The following PALS2 variants were observed in gnomAD, a reference collection of about 807,000 sequenced individuals.
PALS2 encodes the protein protein associated with LIN7 2, MAGUK p55 family member, also known as protein PALS2.
In PALS2, 27 loss-of-function variants were observed where a neutral mutation model predicts 61.6. The observed-to-expected ratio is 0.44, with a 90% CI of 0.32 to 0.60. The LOEUF is 0.60. Among genes scored for constraint, PALS2 ranks in the 20% least tolerant of loss-of-function variants. The pLI is 0.05. For synonymous variants in PALS2, 236 were observed against 218.6 expected (o/e 1.08, Z -0.70); for missense variants, 554 against 639.4 (o/e 0.87, Z 1.44).
intron 5 of PALS2, among the ~76,000 whole-genome samples, chr7:24,655,279 A>G (rs1229289266): frequency 1.3e-5 from 2 of 152,232 alleles, no homozygotes; most frequent in African/African-American, 2.4e-5. Context: ...TATAAACCCC[A>G]AAAGATTACA....
chr7:24,577,132 A>C (rs1039056308), intron 1 of PALS2, among the ~76,000 whole-genome samples: 1 of 152,164 alleles, frequency 6.6e-6, no homozygotes, highest in African/African-American at 2.4e-5. Flanking sequence ...CCTTTCTATA[A>C]TCTTTATCAT....
At chr7:24,580,352 GCCA>G (rs1378288419) in intron 1 of PALS2, among the ~76,000 whole-genome samples, 1 of 152,138 alleles carries the variant, frequency 6.6e-6, no homozygotes, top group African/African-American at 2.4e-5. Flanking sequence ...ATCCCCAGGA[GCCA>G]CCATTTGAGT....
Position 24,687,934 on chromosome 7 carries a change from A to T in PALS2, c.*320A>T. On this transcript the variant is annotated 3_prime_UTR_variant, in exon 12 of 12. Coordinates refer to ENST00000222644, the MANE Select transcript of PALS2 (RefSeq NM_001303037.2). The surrounding 1 kb of genome is among the most constrained non-coding windows in gnomAD (Gnocchi z 4.5). The stretch of plus-strand genomic sequence containing the variant: ...GCCTTTTTCATCAAAGGAATTTTCA[A>T]ATCATTCACTCTAACATTGGTCTCA... 5.3e-6 allele frequency: 1 copy of T among 187,348 alleles called. No homozygotes were observed. The highest frequency in any genetic ancestry group is 1.4e-4 in the East Asian group (1 of 7,140). The allele number at this position is 187,348 out of a possible 1,614,324, so 11.6% of individuals were successfully genotyped here.
In PALS2 at chr7:24,689,579, C is replaced by CTTTTTTTT. The variant is rs973592655; in HGVS notation, c.*1975_*1982dup. 25 of 129,224 alleles carry CTTTTTTTT rather than the reference C, an allele frequency of 1.9e-4. No individual in the cohort carries two copies. The highest frequency in any genetic ancestry group is 2.3e-4 in the African/African-American group (8 of 34,470). The allele number at this position is 129,224 out of a possible 1,614,324, so 8.0% of individuals were successfully genotyped here. A position where few individuals can be genotyped will look rare whatever the true frequency, so the allele number is the denominator to read the frequency against. On this transcript the variant is annotated 3_prime_UTR_variant, in exon 12 of 12. Coordinates refer to ENST00000222644, the MANE Select transcript of PALS2 (RefSeq NM_001303037.2). ...TAAAGTTGGAAATCTATAGGTTTTT[C>CTTTTTTTT]TTTTTTTTTTTTTTTTTCTTTTTTT...
At chr7:24,592,550 T>A (rs933617086) in intron 1 of PALS2, among the ~76,000 whole-genome samples, 3 of 152,036 alleles carry the variant, frequency 2.0e-5, no homozygotes, top group African/African-American at 7.2e-5. Flanking sequence ...TTTGGAAAGC[T>A]CACACTGCTT....
intron 1 of PALS2, among the ~76,000 whole-genome samples, chr7:24,580,019 C>A (rs1165060556): frequency 6.6e-6 from 1 of 151,986 alleles, no homozygotes; most frequent in African/African-American, 2.4e-5. Flanking sequence ...GAAAATGATT[C>A]TCTGAGCAGA....
chr7:24,605,221 T>C (rs1783854834), intron 1 of PALS2, among the ~76,000 whole-genome samples: 2 of 152,322 alleles, frequency 1.3e-5, no homozygotes, highest in South Asian at 2.1e-4. Flanking sequence ...GTGAAAGAAA[T>C]CATTGTGATA....
chr7:24,687,303 G>A lies in PALS2; in HGVS notation c.1447-135G>A. On this transcript the variant is annotated intron_variant, in intron 11 of 11. Coordinates refer to ENST00000222644, the MANE Select transcript of PALS2 (RefSeq NM_001303037.2). This position sits in a 1 kb window ranked among gnomAD's most constrained non-coding sequence, Gnocchi z 4.5. ...GCAGTGTTGTCTTTAACACTATATGGATTAGATTTTGAAGATTAATACCAG... is the reference window on the plus strand; with the variant it reads ...GCAGTGTTGTCTTTAACACTATATGAATTAGATTTTGAAGATTAATACCAG... 1 of 655,814 alleles carries A rather than the reference G, an allele frequency of 1.5e-6. No homozygotes were observed. The highest frequency in any genetic ancestry group is 2.6e-6 in the Non-Finnish European group (1 of 390,704). The allele number at this position is 655,814 out of a possible 1,614,324, so 40.6% of individuals were successfully genotyped here.
At chr7:24,637,770 C>A (rs552484846) in intron 2 of PALS2, among the ~76,000 whole-genome samples, 1 of 152,148 alleles carries the variant, frequency 6.6e-6, no homozygotes, top group African/African-American at 2.4e-5. Context: ...ACATTTTCTT[C>A]TCTGAAGTTC....
rs1395261878 is a variant in PALS2, at chr7:24,688,433, T to TG, written c.*820dup. 1.3e-5 allele frequency: 2 copies of TG among 152,150 alleles called. No individual in the cohort carries two copies. The highest frequency in any genetic ancestry group is 2.9e-5 in the Non-Finnish European group (2 of 68,022). 9.4% of individuals were successfully genotyped at this position (152,150 alleles called of 1,614,324 possible). Reference sequence around the variant, plus strand: ...TAAAACCTTACAGCAAAATGACACTTGAAGAAAGTTTATTTTCACATGTAA... The same window carrying TG: ...TAAAACCTTACAGCAAAATGACACTTGGAAGAAAGTTTATTTTCACATGTAA... On this transcript the variant is annotated 3_prime_UTR_variant, in exon 12 of 12. Coordinates refer to ENST00000222644, the MANE Select transcript of PALS2 (RefSeq NM_001303037.2).
intron 2 of PALS2, among the ~76,000 whole-genome samples, chr7:24,634,717 T>A (rs1170903806): frequency 6.6e-6 from 1 of 152,204 alleles, no homozygotes; most frequent in Non-Finnish European, 1.5e-5. Context: ...TTAAGTTAGT[T>A]TTTTGTATAC....
rs115445186 is a variant in PALS2 at position 24,635,194 on chromosome 7, C to T, written c.118-6522C>T. Among the ~76,000 whole-genome samples the T allele has an allele frequency of 5.2e-3, 793 of 152,252 alleles. 7 individuals carry two copies. Among genetic ancestry groups the T allele is most frequent in the African/African-American group, 0.017 (725 of 41,550 alleles). On this transcript the variant is annotated intron_variant, in intron 2 of 11. Transcript: ENST00000222644. ...ATCTTAACAGTGATGTCTTCTAATC[C>T]ATAAACATTTATTTAAATCTTTAAT... is the stretch of plus-strand genomic sequence containing the variant.
At chr7:24,584,695 T>C (rs1013108103) in intron 1 of PALS2, among the ~76,000 whole-genome samples, 33 of 151,948 alleles carry the variant, frequency 2.2e-4, no homozygotes, top group African/African-American at 7.5e-4. Context: ...TTTTGTCTTT[T>C]GTTGCCATTG....
chr7:24,672,423 C>T (rs1381765460), intron 9 of PALS2, among the ~76,000 whole-genome samples: 1 of 151,582 alleles, frequency 6.6e-6, no homozygotes, highest in Non-Finnish European at 1.5e-5. Flanking sequence ...TAGAGACTTG[C>T]TTTCACCATG....
intron 5 of PALS2, among the ~76,000 whole-genome samples, chr7:24,654,349 T>C (rs754276903): frequency 8.5e-5 from 13 of 152,136 alleles, no homozygotes; most frequent in Non-Finnish European, 1.6e-4. Flanking sequence ...ATAAAACTTA[T>C]TTACAAATAT....
At chr7:24,666,408 G>A (rs540362721) in intron 8 of PALS2, among the ~76,000 whole-genome samples, 3 of 152,196 alleles carry the variant, frequency 2.0e-5, no homozygotes, top group African/African-American at 7.2e-5. Flanking sequence ...TAATTTATGT[G>A]CCATTTCTAA....
intron 2 of PALS2, among the ~76,000 whole-genome samples, chr7:24,636,314 G>C (rs576683906): frequency 6.6e-5 from 10 of 151,814 alleles, no homozygotes; most frequent in African/African-American, 2.4e-4. Context: ...CAAAGTGCCT[G>C]TCTTCTCCCA....
intron 1 of PALS2, among the ~76,000 whole-genome samples, chr7:24,586,793 G>A (rs901905779): frequency 6.6e-6 from 1 of 152,078 alleles, no homozygotes; most frequent in Non-Finnish European, 1.5e-5. Flanking sequence ...TAATTTAAAA[G>A]TGAATTAAGG....
At chr7:24,583,374 A>T (rs569733818) in intron 1 of PALS2, among the ~76,000 whole-genome samples, 1 of 152,246 alleles carries the variant, frequency 6.6e-6, no homozygotes, top group Non-Finnish European at 1.5e-5. Flanking sequence ...TCTTGAAAAC[A>T]ACTAGGTAGA....
Sources: gnomAD v4.1 joint callset for allele counts (sites outside exome capture counted in the v4.1 genomes callset) on GRCh38, gnomAD v4.1.1 for gene constraint, Gnocchi (gnomAD v3.1) non-coding constraint, MANE v1.5 for transcripts, NCBI Gene and HGNC (gene_info 2026-07-23, HGNC 2026-07-21) for gene names.